The following RGS9 variants were observed in gnomAD, a reference collection of about 807,000 sequenced individuals.
The protein encoded by RGS9 is regulator of G protein signaling 9.
In RGS9, 78 loss-of-function variants were observed where a neutral mutation model predicts 102.0. The observed-to-expected ratio is 0.76, with a 90% CI of 0.64 to 0.92. The LOEUF (loss-of-function observed/expected upper bound fraction) is 0.92. RGS9 is among the 40% of genes least tolerant of loss of function. RGS9 has a pLI of 0.00. For missense variants in RGS9, 833 were observed against 866.1 expected, an observed-to-expected ratio of 0.96 and a Z score of 0.48; for synonymous variants, 353 against 318.6, an observed-to-expected ratio of 1.11 and a Z score of -1.15.
intron 13 of RGS9, among the ~76,000 whole-genome samples, chr17:65,197,937 C>T (rs1379259708): frequency 6.6e-6 from 1 of 152,174 alleles, no homozygotes; most frequent in Non-Finnish European, 1.5e-5. Context: ...TCCCAAAGTG[C>T]TAGGATTACA....
intron 9 of RGS9, among the ~76,000 whole-genome samples, chr17:65,188,379 C>T (rs1163031423): frequency 6.6e-6 from 1 of 152,188 alleles, no homozygotes; most frequent in Non-Finnish European, 1.5e-5. Flanking sequence ...GGGCCTGATT[C>T]CACAGGGCAG....
chr17:65,227,152 C>G (rs373438839), intron 18 of RGS9, 123 bp from the exon 19 acceptor site: 1 of 1,335,022 alleles, frequency 7.5e-7, no homozygotes, highest in African/African-American at 1.4e-5. Context: ...ATACCTGCCC[C>G]CACCACAGTC....
intron 9 of RGS9, among the ~76,000 whole-genome samples, chr17:65,180,222 A>G (rs1911820186): frequency 6.6e-6 from 1 of 152,172 alleles, no homozygotes; most frequent in South Asian, 2.1e-4. Flanking sequence ...AGCATGAAGC[A>G]TCTCCATGAA....
At chr17:65,208,411 C>T (rs1055595029) in intron 16 of RGS9, among the ~76,000 whole-genome samples, 1 of 152,010 alleles carries the variant, frequency 6.6e-6, no homozygotes, top group Non-Finnish European at 1.5e-5. Context: ...CAGATTGCAC[C>T]CCAAGAGAAA....
At chr17:65,196,338 G>A (rs1041960632) in intron 12 of RGS9, among the ~76,000 whole-genome samples, 1 of 152,178 alleles carries the variant, frequency 6.6e-6, no homozygotes, top group Non-Finnish European at 1.5e-5. Context: ...CCTGGTTCTG[G>A]TCCTAGCTGC....
Position 65,197,255 on chromosome 17 carries a change from T to A in RGS9, c.976+14T>A, listed in dbSNP as rs1912632502. ...AAGAATTCAGTGGTGGGTCTTTGTT[T>A]ACAAAAAAAAATTAAAATAACTTAC... On this transcript the variant is annotated intron_variant, in intron 13 of 18. Coordinates refer to ENST00000262406, the MANE Select transcript of RGS9 (RefSeq NM_003835.4). The A allele has an allele frequency of 6.5e-7, 1 of 1,527,926 alleles. No individual in the cohort carries two copies. The allele number at this position is 1,527,926 out of a possible 1,614,324, so 94.6% of individuals were successfully genotyped here.
intron 1 of RGS9, among the ~76,000 whole-genome samples, chr17:65,146,847 G>C (rs1265604241): frequency 1.3e-5 from 2 of 152,076 alleles, no homozygotes; most frequent in Non-Finnish European, 2.9e-5. Context: ...CCAAGATCAT[G>C]CCACTACAGC....
At chr17:65,223,555 C>G (rs980831687) in intron 17 of RGS9, among the ~76,000 whole-genome samples, 1 of 152,240 alleles carries the variant, frequency 6.6e-6, no homozygotes, top group East Asian at 1.9e-4. Context: ...CCACCCTCTG[C>G]AGGAGCCACC....
chr17:65,225,181 C>T lies in RGS9; in HGVS notation c.1587C>T (p.Ala529=). The T allele has an allele frequency of 6.2e-7, 1 of 1,613,574 alleles. No individual in the cohort carries two copies. Residue 529 remains alanine, a synonymous_variant, in exon 18 of 19, where the codon GCC becomes GCT. Coordinates refer to ENST00000262406, the MANE Select transcript of RGS9 (RefSeq NM_003835.4). ...TTICPSPIRV[A]LESSSGLEQK... is the part of the protein sequence containing the mutation. Reference sequence around the variant, plus strand: ...TCTGCCCCTCACCCATCAGAGTGGCCTTGGAGAGCTCATCGGGCTTGGAGC... The same window carrying T: ...TCTGCCCCTCACCCATCAGAGTGGCTTTGGAGAGCTCATCGGGCTTGGAGC...
chr17:65,222,668 C>A (rs1178668793), intron 17 of RGS9, among the ~76,000 whole-genome samples: 2 of 152,224 alleles, frequency 1.3e-5, no homozygotes, highest in Non-Finnish European at 2.9e-5. Context: ...CAAGGCCCAG[C>A]TTTCCCTGCT....
At chr17:65,212,041 T>C (rs897340525) in intron 17 of RGS9, among the ~76,000 whole-genome samples, 4 of 152,240 alleles carry the variant, frequency 2.6e-5, no homozygotes, top group Non-Finnish European at 4.4e-5. Flanking sequence ...CTGCTTCATG[T>C]ACCTCTCTTC....
At chr17:65,158,731 A>T in intron 3 of RGS9, 1 of 364,274 alleles carries the variant, frequency 2.7e-6, no homozygotes, top group South Asian at 2.4e-5. Flanking sequence ...TGGAAAGTGG[A>T]GGAGTGACAA....
At chr17:65,200,180 C>A (rs148828153) in intron 13 of RGS9, among the ~76,000 whole-genome samples, 1 of 152,038 alleles carries the variant, frequency 6.6e-6, no homozygotes, top group East Asian at 1.9e-4. Context: ...TAGAGGCGCC[C>A]GCCACCACGG....
chr17:65,156,007 A>G (rs113858200), intron 2 of RGS9, among the ~76,000 whole-genome samples: 2 of 151,626 alleles, frequency 1.3e-5, no homozygotes, highest in Non-Finnish European at 2.9e-5. Context: ...TCCAGAGTCC[A>G]TATATATATT....
At chr17:65,176,742 TCCATCCATCCAC>T (rs934354152) in intron 8 of RGS9, among the ~76,000 whole-genome samples, 31 of 147,658 alleles carry the variant, frequency 2.1e-4, no homozygotes, top group African/African-American at 7.6e-4. Flanking sequence ...CATCCATCCA[TCCATCCATCCAC>T]CCATCCACCC....
At chr17:65,144,523 G>A (rs1325015405) in intron 1 of RGS9, among the ~76,000 whole-genome samples, 1 of 152,246 alleles carries the variant, frequency 6.6e-6, no homozygotes, top group Non-Finnish European at 1.5e-5. Flanking sequence ...ACAGGGTCCC[G>A]CGGTGGCCTG....
At chr17:65,182,377 C>T (rs1358804105) in intron 9 of RGS9, among the ~76,000 whole-genome samples, 1 of 152,220 alleles carries the variant, frequency 6.6e-6, no homozygotes, top group Non-Finnish European at 1.5e-5. Context: ...AGCTAAGACT[C>T]ACTACTGCGT....
chr17:65,204,070 ATTCGT>A, intron 14 of RGS9, 88 bp from the exon 15 acceptor site: 1 of 1,488,076 alleles, frequency 6.7e-7, no homozygotes, highest in Non-Finnish European at 9.3e-7. Context: ...TCGGTAACCG[ATTCGT>A]ATCAGTCCTT....
chr17:65,177,841 C>T (rs11651062), intron 9 of RGS9, 38 bp downstream of exon 9: 222,464 of 1,564,464 alleles, frequency 0.14, 16,616 homozygotes, highest in Middle Eastern at 0.2. Flanking sequence ...GGGCCTAGGT[C>T]GGATTCTGGG....
Sources: allele counts gnomAD v4.1 joint callset (sites outside exome capture counted in the v4.1 genomes callset), GRCh38; gene constraint gnomAD v4.1.1; transcripts MANE v1.5; gene names NCBI Gene and HGNC (gene_info 2026-07-23, HGNC 2026-07-21).